AKAP8L: variants seen among roughly 807,000 people sequenced by gnomAD.
AKAP8L encodes A-kinase anchor protein 8-like.
AKAP8L carries 34 observed loss-of-function variants against 77.5 expected under a neutral mutation model. That is an observed-to-expected ratio of 0.44 (90% CI 0.33 to 0.58). The LOEUF (loss-of-function observed/expected upper bound fraction) is 0.58. Ranked by LOEUF, AKAP8L falls within the 20% of genes least tolerant of loss-of-function variation. AKAP8L has a pLI of 0.02. For synonymous variants in AKAP8L, 342 were observed against 340.7 expected, an observed-to-expected ratio of 1.00 and a Z score of -0.04; for missense variants, 806 against 887.6, an observed-to-expected ratio of 0.91 and a Z score of 1.17.
rs558410018 is a variant in AKAP8L at position 15,401,354 on chromosome 19, G to A, written c.612C>T (p.Pro204=). ...ASGYGRMWED[P]MGARGQCMSG... Reference sequence around the variant, plus strand: ...ACATGCACTGGCCCCGGGCCCCCATGGGGTCTTCCCACATGCGCCCATAGC... The same window carrying A: ...ACATGCACTGGCCCCGGGCCCCCATAGGGTCTTCCCACATGCGCCCATAGC... The change falls in exon 5 of 14, where the codon CCC becomes CCT. Residue 204 remains proline (P), a synonymous_variant. Coordinates refer to ENST00000397410, the MANE Select transcript of AKAP8L (RefSeq NM_014371.4). This position sits in a 1 kb window ranked among gnomAD's most constrained non-coding sequence, Gnocchi z 6.2. 1.1e-5 allele frequency: 17 copies of A among 1,613,388 alleles called. No homozygotes were observed. In the South Asian group the frequency reaches 1.4e-4, roughly 14 times the overall value.
chr19:15,406,300 A>G (rs1599614475), intron 2 of AKAP8L, among the ~76,000 whole-genome samples: 1 of 150,010 alleles, frequency 6.7e-6, no homozygotes, highest in Non-Finnish European at 1.5e-5. Flanking sequence ...TTCTGAAAGA[A>G]CACCCCAACT....
At chr19:15,413,276 A>G (rs1968141629) in intron 1 of AKAP8L, among the ~76,000 whole-genome samples, 2 of 152,218 alleles carry the variant, frequency 1.3e-5, no homozygotes, top group Admixed American at 6.5e-5. Flanking sequence ...TTTCACCTGT[A>G]AGGACATTTA....
chr19:15,395,035 CTT>C (rs1035635061), intron 12 of AKAP8L, among the ~76,000 whole-genome samples: 1 of 143,702 alleles, frequency 7.0e-6, no homozygotes, highest in African/African-American at 2.5e-5. Flanking sequence ...TATTTTCCAA[CTT>C]TTTTTTTTTT....
chr19:15,380,534 G>C lies in AKAP8L; in HGVS notation c.1615C>G (p.Leu539Val). Residue 539 changes from leucine (L) to valine (V), a missense_variant, in exon 13 of 14, where the codon CTG becomes GTG. Leu to Val is a conservative substitution (Grantham distance 32). Around this residue, in one of 2 missense-constraint regions of AKAP8L, gnomAD observed 226 missense variants for 193.5 expected, o/e 1.17. Coordinates refer to ENST00000397410, the MANE Select transcript of AKAP8L (RefSeq NM_014371.4). The stretch of plus-strand genomic sequence containing the variant: ...TGCCTCACCTTCAGGTAGCGCTCCA[G>C]CTTCTTGCTGATGAGCTTGTTGTTG... ...ILNNKLISKK[L>V]ERYLKGENPF... 10 of 1,613,930 alleles carry C rather than the reference G, an allele frequency of 6.2e-6. No individual in the cohort carries two copies. Among genetic ancestry groups the C allele is most frequent in the Non-Finnish European group, 7.6e-6 (9 of 1,179,882 alleles).
intron 1 of AKAP8L, among the ~76,000 whole-genome samples, chr19:15,418,708 G>A (rs551960046): frequency 6.6e-6 from 1 of 152,374 alleles, no homozygotes; most frequent in Admixed American, 6.5e-5. Context: ...CCGGGAGCCG[G>A]GACGCCGGCT....
intron 2 of AKAP8L, among the ~76,000 whole-genome samples, chr19:15,405,329 T>G: frequency 6.6e-6 from 1 of 150,758 alleles, no homozygotes; most frequent in Non-Finnish European, 1.5e-5. Context: ...AGGTCAGGAG[T>G]TTGAAACCAG....
chr19:15,400,914 G>A (rs1411835140), intron 6 of AKAP8L, 33 bp downstream of exon 6: 6 of 1,613,914 alleles, frequency 3.7e-6, no homozygotes, highest in Non-Finnish European at 5.1e-6. Context: ...CAGAGGCAGG[G>A]GGCAGCCGCC....
intron 1 of AKAP8L, among the ~76,000 whole-genome samples, chr19:15,414,115 A>C (rs944803382): frequency 1.4e-4 from 18 of 125,044 alleles, no homozygotes; most frequent in Non-Finnish European, 1.6e-5. Context: ...CCCAGGCTGG[A>C]GTGCAATGGT....
intron 12 of AKAP8L, among the ~76,000 whole-genome samples, chr19:15,384,159 C>G (rs1291949955): frequency 2.6e-5 from 4 of 151,878 alleles, no homozygotes; most frequent in Non-Finnish European, 1.5e-5. Context: ...TCTTGAACTC[C>G]TGACCTAGTG....
intron 12 of AKAP8L, among the ~76,000 whole-genome samples, chr19:15,391,963 G>T (rs570192490): frequency 3.9e-5 from 6 of 152,114 alleles, no homozygotes; most frequent in Non-Finnish European, 7.4e-5. Context: ...AGCCTCCTGC[G>T]TAGCGGGGAC....
At chr19:15,385,643 C>T (rs977013032) in intron 12 of AKAP8L, among the ~76,000 whole-genome samples, 10 of 151,786 alleles carry the variant, frequency 6.6e-5, no homozygotes, top group Non-Finnish European at 1.3e-4. Flanking sequence ...TCTGTTGCCC[C>T]GGCTGGAATG....
intron 1 of AKAP8L, among the ~76,000 whole-genome samples, chr19:15,414,484 T>C (rs1294007918): frequency 6.6e-6 from 1 of 152,090 alleles, no homozygotes; most frequent in Admixed American, 6.5e-5. Context: ...CAGATTTCTT[T>C]TTTTTTTTGT....
intron 1 of AKAP8L, among the ~76,000 whole-genome samples, chr19:15,416,559 ACT>A (rs1377386624): frequency 2.0e-5 from 3 of 152,150 alleles, no homozygotes; most frequent in Admixed American, 6.5e-5. Flanking sequence ...CTTTCAGATG[ACT>A]CTAGTCCACA....
rs1447802190 is a variant in AKAP8L at position 15,401,086 on chromosome 19, C to T, written c.817-43G>A. Reference sequence around the variant, plus strand: ...GAAGCCGTGTCAGGGTGCATGGCACCCGGCCCTTAGCTCCGCCCCAGTGGG... The same window carrying T: ...GAAGCCGTGTCAGGGTGCATGGCACTCGGCCCTTAGCTCCGCCCCAGTGGG... On this transcript the variant is annotated intron_variant, in intron 5 of 13. Coordinates refer to ENST00000397410, the MANE Select transcript of AKAP8L (RefSeq NM_014371.4). This position sits in a 1 kb window ranked among gnomAD's most constrained non-coding sequence, Gnocchi z 6.2. 1 of 1,608,328 alleles carries T rather than the reference C, an allele frequency of 6.2e-7. No individual in the cohort carries two copies. Among genetic ancestry groups the T allele is most frequent in the Non-Finnish European group, 8.5e-7 (1 of 1,179,798 alleles).
At chr19:15,400,437 G>A (rs563801634) in intron 7 of AKAP8L, 79 bp from the exon 8 acceptor site, 7 of 1,400,772 alleles carry the variant, frequency 5.0e-6, no homozygotes, top group South Asian at 2.4e-5. Context: ...TTAGAGCAAC[G>A]GTATATAGTA....
In AKAP8L at chr19:15,380,141, C is replaced by T; in HGVS notation, c.1922G>A (p.Gly641Asp). 2 of 1,499,342 alleles carry T rather than the reference C, an allele frequency of 1.3e-6. No homozygotes were observed. Among genetic ancestry groups the T allele is most frequent in the Non-Finnish European group, 1.8e-6 (2 of 1,133,220 alleles). The allele number at this position is 1,499,342 out of a possible 1,614,324, so 92.9% of individuals were successfully genotyped here. A position where few individuals can be genotyped will look rare whatever the true frequency, so the allele number is the denominator to read the frequency against. ...CTCGGGTCACGGGGCGCCCCCGCCGCCCTCCTCGTCGTCCTCCACGTCGAG... is the reference window on the plus strand; with the variant it reads ...CTCGGGTCACGGGGCGCCCCCGCCGTCCTCCTCGTCGTCCTCCACGTCGAG... ...PGLDVEDDEEGGGGAP is the reference protein window; with the variant it reads ...PGLDVEDDEEDGGGAP Residue 641 changes from glycine to aspartate, a missense_variant, in exon 14 of 14, where the codon GGC becomes GAC. This residue lies in a region of AKAP8L where 226 missense variants were observed against 193.5 expected (regional missense o/e 1.17). Coordinates refer to ENST00000397410, the MANE Select transcript of AKAP8L (RefSeq NM_014371.4).
At chr19:15,393,955 G>A (rs7257156) in intron 12 of AKAP8L, among the ~76,000 whole-genome samples, 122,543 of 150,218 alleles carry the variant, frequency 0.82, 50,433 homozygotes, top group East Asian at 0.99. Flanking sequence ...AGTATGTGAA[G>A]AAATCAGGAC....
intron 2 of AKAP8L, among the ~76,000 whole-genome samples, chr19:15,408,058 G>T (rs949423984): frequency 3.3e-5 from 5 of 152,216 alleles, no homozygotes; most frequent in African/African-American, 1.2e-4. Context: ...ACTTTGGGAG[G>T]CCGAGGCAGG....
rs373683711 is a variant in AKAP8L, at chr19:15,400,537, A to G, written c.985-179T>C. The G allele has an allele frequency of 1.9e-5, 14 of 731,664 alleles. 1 individual carries two copies. The highest frequency in any genetic ancestry group is 1.6e-4 in the African/African-American group (9 of 56,210). The allele number at this position is 731,664 out of a possible 1,614,324, so 45.3% of individuals were successfully genotyped here. On this transcript the variant is annotated intron_variant, in intron 7 of 13. Transcript: ENST00000397410. ...CAGTTATTTACAATGGCTTTAAATG[A>G]CAAGGCCCGGCTATGTGCCAGAAAC...
Sources: gnomAD v4.1 joint callset for allele counts (sites outside exome capture counted in the v4.1 genomes callset) on GRCh38, gnomAD v4.1.1 for gene constraint, gnomAD v4.1.1 regional missense constraint, Gnocchi (gnomAD v3.1) non-coding constraint, MANE v1.5 for transcripts, NCBI Gene and HGNC (gene_info 2026-07-23, HGNC 2026-07-21) for gene names.